Variants in CEP152 observed in about 807,000 individuals in gnomAD.
CEP152 encodes centrosomal protein 152.
A neutral mutation model predicts 188.9 loss-of-function variants in CEP152; 132 were observed. The ratio of observed to expected loss-of-function variants is 0.70; its 90% confidence interval spans 0.61 to 0.81. CEP152 has a LOEUF of 0.81. CEP152 is among the 30% of genes least tolerant of loss of function. The pLI is 0.00. For synonymous variants in CEP152, 649 were observed against 666.6 expected, an observed-to-expected ratio of 0.97 and a Z score of 0.41; for missense variants, 1,914 against 1,969.8, an observed-to-expected ratio of 0.97 and a Z score of 0.54.
chr15:48,772,362 G>C lies in CEP152; in HGVS notation c.1782+125C>G, dbSNP rs1595651378. 9 of 792,346 alleles carry C rather than the reference G, an allele frequency of 1.1e-5. No individual in the cohort carries two copies. The East Asian group carries it at 2.3e-4, about 21-fold the overall frequency. The allele number at this position is 792,346 out of a possible 1,614,324, so 49.1% of individuals were successfully genotyped here. On this transcript the variant is annotated intron_variant, in intron 13 of 26. Coordinates refer to ENST00000380950, the MANE Select transcript of CEP152 (RefSeq NM_001194998.2). ...GGAGGTTGAGGCTACAGGGAGCCAT[G>C]TTTCCACCACTGCCCTCCAGCCTGG...
rs1310864162 is a variant in CEP152 at position 48,742,038 on chromosome 15, C to A, written c.3898G>T (p.Val1300Leu). 1 of 1,614,100 alleles carries A rather than the reference C, an allele frequency of 6.2e-7. No individual in the cohort carries two copies. The change falls in exon 25 of 27, where the codon GTA (valine) becomes TTA (leucine). Residue 1300 changes from valine (V) to leucine (L), a missense_variant. Physicochemically the swap from Val to Leu is conservative, Grantham distance 32. Transcript: ENST00000380950. ...ERAAEMVKAE[V>L]LRERQETARK... The stretch of plus-strand genomic sequence containing the variant: ...GCGGTTTCTTGACGTTCTCGCAGTA[C>A]CTCTGCTTTTACCATTTCTGCAGCT...
Position 48,756,193 on chromosome 15 carries a change from A to G in CEP152, c.3055T>C (p.Cys1019Arg). The change falls in exon 20 of 27, where the codon TGT becomes CGT. Residue 1019 changes from cysteine to arginine, a missense_variant. Cys to Arg is a radical substitution (Grantham distance 180, BLOSUM62 -3). Coordinates refer to ENST00000380950, the MANE Select transcript of CEP152 (RefSeq NM_001194998.2). ...LLQKETELQT[C>R]LDQSRREWTM... ...CATTCTCTACGACTCTGGTCTAGAC[A>G]AGTTTGTAATTCTGTCTCCTTCTGA... 1 of 1,613,878 alleles carries G rather than the reference A, an allele frequency of 6.2e-7. No homozygotes were observed. Among genetic ancestry groups the G allele is most frequent in the South Asian group, 1.1e-5 (1 of 91,016 alleles).
At chr15:48,744,744 T>G in intron 23 of CEP152, 152 bp downstream of exon 23, 4 of 724,696 alleles carry the variant, frequency 5.5e-6, no homozygotes, top group Non-Finnish European at 8.9e-6. Flanking sequence ...AAGAGGTCAC[T>G]AGAGGGTATC....
chr15:48,736,242 C>T (rs535390674), downstream of CEP152, among the ~76,000 whole-genome samples: 23 of 152,288 alleles, frequency 1.5e-4, no homozygotes, highest in Admixed American at 5.9e-4. Context: ...CAATGCTACA[C>T]CAATTCTTTC....
At chr15:48,803,698 G>A (rs1478794762) in intron 2 of CEP152, among the ~76,000 whole-genome samples, 2 of 152,086 alleles carry the variant, frequency 1.3e-5, no homozygotes, top group Non-Finnish European at 2.9e-5. Flanking sequence ...CCAAATAGCT[G>A]TTTTCTATAT....
At chr15:48,792,685 A>G (rs1897057973) in intron 7 of CEP152, among the ~76,000 whole-genome samples, 1 of 152,238 alleles carries the variant, frequency 6.6e-6, no homozygotes, top group Admixed American at 6.5e-5. Context: ...ATCCAGAGTA[A>G]TGACATAAGG....
intron 20 of CEP152, among the ~76,000 whole-genome samples, chr15:48,753,598 A>G (rs1014658905): frequency 2.0e-5 from 3 of 152,212 alleles, no homozygotes; most frequent in African/African-American, 7.2e-5. Context: ...GAGTAGGAAA[A>G]GCTGAACCAA....
intron 19 of CEP152, among the ~76,000 whole-genome samples, chr15:48,756,786 C>T (rs1894311743): frequency 1.3e-5 from 2 of 152,090 alleles, no homozygotes; most frequent in South Asian, 2.1e-4. Flanking sequence ...AACACTCACA[C>T]ATATAATTAT....
At position 48,796,093 on chromosome 15, in the gene CEP152, T is replaced by C. The variant is rs926936321; in HGVS notation, c.608A>G (p.Gln203Arg). 4 of 1,613,840 alleles carry C rather than the reference T, an allele frequency of 2.5e-6. No homozygotes were observed. The highest frequency in any genetic ancestry group is 2.7e-5 in the African/African-American group (2 of 74,920). The change falls in exon 6 of 27, where the codon CAG becomes CGG. Residue 203 changes from glutamine to arginine, a missense_variant. Transcript: ENST00000380950. ...CTCCTGGGCTGGTGAGCCATTATTC[T>C]GGGCAGAAGACTGATAAGGTTTATA... is the stretch of plus-strand genomic sequence containing the variant. ...VTYKPYQSSA[Q>R]NNGSPAQEIT...
intron 1 of CEP152, chr15:48,810,624 C>T (rs947591793): frequency 6.6e-6 from 1 of 152,310 alleles, no homozygotes; most frequent in Non-Finnish European, 1.5e-5. Context: ...GTCACTTGTA[C>T]TCGGTCAACA....
chr15:48,792,535 T>C (rs1595687931), intron 7 of CEP152, among the ~76,000 whole-genome samples: 1 of 152,372 alleles, frequency 6.6e-6, no homozygotes, highest in Non-Finnish European at 1.5e-5. Context: ...AATCTGTATT[T>C]ACTCTGTGTG....
At chr15:48,760,295 A>C (rs756275387) in intron 18 of CEP152, 29 bp from the exon 19 acceptor site, 17 of 1,613,382 alleles carry the variant, frequency 1.1e-5, no homozygotes, top group Non-Finnish European at 3.4e-6. Flanking sequence ...GAAAGAGGTA[A>C]AGGGAAGTAT....
At chr15:48,793,508 A>C (rs756869950) in intron 6 of CEP152, 47 bp from the exon 7 acceptor site, 2 of 1,543,760 alleles carry the variant, frequency 1.3e-6, no homozygotes, top group East Asian at 2.3e-5. Context: ...CCAAAATATA[A>C]ATTTATAGTC....
At chr15:48,802,591 A>C (rs1041771338) in intron 2 of CEP152, among the ~76,000 whole-genome samples, 2 of 152,214 alleles carry the variant, frequency 1.3e-5, no homozygotes, top group African/African-American at 4.8e-5. Flanking sequence ...GTAGCACTTT[A>C]GAAATACATT....
chr15:48,760,141 G>A lies in CEP152; in HGVS notation c.2688C>T (p.Asn896=), dbSNP rs948106712. The A allele has an allele frequency of 2.5e-6, 4 of 1,613,804 alleles. No homozygotes were observed. Among genetic ancestry groups the A allele is most frequent in the Non-Finnish European group, 3.4e-6 (4 of 1,179,898 alleles). ...KWEEQHEVSV[N]KRISFAVSEA... ...TTTGCAGAAGAGCTCTTACCCTTTT[G>A]TTCACAGAGACCTCATGCTGTTCTT... Residue 896 remains asparagine, a synonymous_variant, in exon 19 of 27, where the codon AAC becomes AAT. Coordinates refer to ENST00000380950, the MANE Select transcript of CEP152 (RefSeq NM_001194998.2).
At chr15:48,771,107 T>C (rs188089177) in intron 13 of CEP152, among the ~76,000 whole-genome samples, 1 of 152,274 alleles carries the variant, frequency 6.6e-6, no homozygotes, top group African/African-American at 2.4e-5. Flanking sequence ...ATTGGGAGTA[T>C]AGATGGCTGA....
intron 9 of CEP152, among the ~76,000 whole-genome samples, chr15:48,787,096 A>G (rs1896689771): frequency 6.6e-6 from 1 of 151,626 alleles, no homozygotes; most frequent in South Asian, 2.1e-4. Flanking sequence ...AAATTTATGA[A>G]GCTACATCTC....
At chr15:48,772,081 A>G (rs548425305) in intron 13 of CEP152, among the ~76,000 whole-genome samples, 2 of 152,338 alleles carry the variant, frequency 1.3e-5, no homozygotes, top group South Asian at 4.1e-4. Flanking sequence ...AAAAATGTCA[A>G]ATAAACTCCT....
rs1449998094 is a variant in CEP152 at position 48,760,056 on chromosome 15, T to C, written c.2694+79A>G. ...ATCCTTCAACAATTCTATGAGTAGGTACAAATTCCAAGGACTGAGATAAGA... is the reference window on the plus strand; with the variant it reads ...ATCCTTCAACAATTCTATGAGTAGGCACAAATTCCAAGGACTGAGATAAGA... On this transcript the variant is annotated intron_variant, in intron 19 of 26. Transcript: ENST00000380950. 36 of 1,583,422 alleles carry C rather than the reference T, an allele frequency of 2.3e-5. No individual in the cohort carries two copies. The East Asian group carries it at 7.2e-4, about 32-fold the overall frequency.
Sources: gnomAD v4.1 joint callset for allele counts (sites outside exome capture counted in the v4.1 genomes callset) on GRCh38, gnomAD v4.1.1 for gene constraint, MANE v1.5 for transcripts, NCBI Gene and HGNC (gene_info 2026-07-23, HGNC 2026-07-21) for gene names.